The following SGCD variants were observed in gnomAD, a reference collection of about 807,000 sequenced individuals.
The protein encoded by SGCD is delta-sarcoglycan.
Under a neutral mutation model 36.6 loss-of-function variants are expected in SGCD, and 18 were observed. That is an observed-to-expected ratio of 0.49 (90% CI 0.34 to 0.73). SGCD has a LOEUF of 0.73. Among genes scored for constraint, SGCD ranks in the 30% least tolerant of loss-of-function variants. The pLI is 0.01. For missense variants in SGCD, 387 were observed against 346.7 expected (o/e 1.12, Z -0.92); for synonymous variants, 133 against 130.6 (o/e 1.02, Z -0.12).
chr5:156,077,857 C>A (rs1760831056), intron 1 of SGCD, among the ~76,000 whole-genome samples: 1 of 152,108 alleles, frequency 6.6e-6, no homozygotes, highest in East Asian at 1.9e-4. Context: ...AGGTTGGAAA[C>A]AAGGGAGAAG....
chr5:156,524,939 T>C (rs1757581290), intron 4 of SGCD, among the ~76,000 whole-genome samples: 1 of 152,138 alleles, frequency 6.6e-6, no homozygotes, highest in African/African-American at 2.4e-5. Context: ...TAGTATTCCA[T>C]TGTGTATATA....
intron 1 of SGCD, among the ~76,000 whole-genome samples, chr5:155,880,935 T>C (rs1755867825): frequency 6.6e-6 from 1 of 152,130 alleles, no homozygotes; most frequent in Non-Finnish European, 1.5e-5. Flanking sequence ...GAAAAATGCT[T>C]CTTTTTCTTA....
chr5:156,488,079 C>T (rs1466394477), intron 3 of SGCD, among the ~76,000 whole-genome samples: 2 of 124,964 alleles, frequency 1.6e-5, no homozygotes, highest in African/African-American at 5.9e-5. Context: ...GAAGAAAGAA[C>T]TTCTGAACTT....
rs1179280709 is a variant in SGCD, at chr5:156,052,138, C to T, written c.-281-65740C>T. Reference sequence around the variant, plus strand: ...AGCACTTCCGCCCACAGCTTGAATCCCAAGTTCCACCCAAGAAGAGGAGGG... The same window carrying T: ...AGCACTTCCGCCCACAGCTTGAATCTCAAGTTCCACCCAAGAAGAGGAGGG... On this transcript the variant is annotated intron_variant, in intron 1 of 9. Transcript: ENST00000517913. Among the ~76,000 whole-genome samples the T allele has an allele frequency of 2.1e-5, 3 of 146,162 alleles. 1 individual carries two copies. The highest frequency in any genetic ancestry group is 1.5e-5 in the Non-Finnish European group (1 of 64,826).
intron 3 of SGCD, among the ~76,000 whole-genome samples, chr5:156,364,528 C>A (rs1769986723): frequency 6.6e-6 from 1 of 152,146 alleles, no homozygotes. Context: ...CTGCAGCTAC[C>A]TATAAGCAGT....
At chr5:155,822,411 GT>G in the SGCD span, among the ~76,000 whole-genome samples, 1 of 152,124 alleles carries the variant, frequency 6.6e-6, no homozygotes, top group Non-Finnish European at 1.5e-5. Flanking sequence ...CTGCTCACCT[GT>G]TCACAGAGGC....
intron 3 of SGCD, among the ~76,000 whole-genome samples, chr5:156,474,300 C>T (rs766536998): frequency 4.5e-4 from 69 of 152,184 alleles, no homozygotes; most frequent in Non-Finnish European, 8.4e-4. Flanking sequence ...CCAGATACTC[C>T]TCAGAGTGAT....
intron 3 of SGCD, among the ~76,000 whole-genome samples, chr5:156,410,634 G>C (rs1258103885): frequency 2.6e-5 from 4 of 152,188 alleles, no homozygotes; most frequent in Non-Finnish European, 4.4e-5. Flanking sequence ...CTCAGTAGAT[G>C]GTAACAGTTG....
At chr5:155,854,433 C>T in the SGCD span, among the ~76,000 whole-genome samples, 1 of 152,084 alleles carries the variant, frequency 6.6e-6, no homozygotes, top group African/African-American at 2.4e-5. Context: ...CAAATTTTAG[C>T]TAATTTTCCC....
rs527326968 is a variant in SGCD, at chr5:156,473,244, T to G, written c.193-35357T>G. Among the ~76,000 whole-genome samples, 24 of 152,338 alleles carry G rather than the reference T, an allele frequency of 1.6e-4. 1 individual carries two copies. Among genetic ancestry groups the G allele is most frequent in the African/African-American group, 5.5e-4 (23 of 41,592 alleles). Reference sequence around the variant, plus strand: ...GATAAGTTCCAAGGCCACCAGTAGATGCCTGAAACCACAGATAGTACTGAA... The same window carrying G: ...GATAAGTTCCAAGGCCACCAGTAGAGGCCTGAAACCACAGATAGTACTGAA... On this transcript the variant is annotated intron_variant, in intron 3 of 8. Transcript: ENST00000337851.
At chr5:156,749,559 A>G (rs760792572) in intron 7 of SGCD, among the ~76,000 whole-genome samples, 5 of 152,208 alleles carry the variant, frequency 3.3e-5, no homozygotes, top group Non-Finnish European at 7.3e-5. Flanking sequence ...AAAAAAAGAC[A>G]GACAGCTACA....
At chr5:156,015,733 T>A (rs1378623606) in intron 1 of SGCD, among the ~76,000 whole-genome samples, 1 of 151,272 alleles carries the variant, frequency 6.6e-6, no homozygotes, top group Non-Finnish European at 1.5e-5. Context: ...TATGTATATA[T>A]GATGTATGAT....
intron 4 of SGCD, among the ~76,000 whole-genome samples, chr5:156,562,840 T>C (rs7720258): frequency 0.038 from 5,678 of 151,024 alleles, 234 homozygotes; most frequent in African/African-American, 0.097. Context: ...TTCTTATACA[T>C]ATTTTATATA....
intron 3 of SGCD, among the ~76,000 whole-genome samples, chr5:156,484,927 A>G (rs1003259619): frequency 6.6e-6 from 1 of 152,226 alleles, no homozygotes; most frequent in African/African-American, 2.4e-5. Flanking sequence ...TGGCCAATTC[A>G]TATCTCCTGA....
At chr5:156,327,976 G>T (rs1245984024) in intron 1 of SGCD, among the ~76,000 whole-genome samples, 1 of 152,160 alleles carries the variant, frequency 6.6e-6, no homozygotes, top group African/African-American at 2.4e-5. Flanking sequence ...ACAGAAAATG[G>T]CAGTTTACTC....
upstream of SGCD, among the ~76,000 whole-genome samples, chr5:155,869,537 A>G (rs1177139302): frequency 2.6e-5 from 4 of 152,186 alleles, no homozygotes; most frequent in Non-Finnish European, 5.9e-5. Flanking sequence ...CCAAGGTTAT[A>G]GCACAGTGTA....
intron 1 of SGCD, among the ~76,000 whole-genome samples, chr5:156,094,164 G>A (rs1761320683): frequency 1.3e-5 from 2 of 152,102 alleles, no homozygotes; most frequent in Non-Finnish European, 2.9e-5. Flanking sequence ...GGGGAGAGGC[G>A]GTACTGTGGT....
intron 1 of SGCD, among the ~76,000 whole-genome samples, chr5:155,901,171 C>T (rs532202353): frequency 5.9e-5 from 9 of 151,652 alleles, no homozygotes; most frequent in East Asian, 5.8e-4. Context: ...AATTAGCCGG[C>T]GGTGGTGGTG....
intron 4 of SGCD, among the ~76,000 whole-genome samples, chr5:156,517,998 C>T (rs1581107487): frequency 6.6e-6 from 1 of 152,282 alleles, no homozygotes; most frequent in East Asian, 1.9e-4. Flanking sequence ...GCAATATTAA[C>T]TCTAAATGTA....
Sources: allele counts gnomAD v4.1 joint callset (sites outside exome capture counted in the v4.1 genomes callset), GRCh38; gene constraint gnomAD v4.1.1; transcripts MANE v1.5; gene names NCBI Gene and HGNC (gene_info 2026-07-23, HGNC 2026-07-21).